RBFOX1: variants seen among roughly 807,000 people sequenced by gnomAD.
The protein encoded by RBFOX1 is RNA binding fox-1 homolog 1, also known as RNA binding protein fox-1 homolog 1.
Under a neutral mutation model 57.7 loss-of-function variants are expected in RBFOX1, and 8 were observed. The observed-to-expected ratio is 0.14, with a 90% CI of 0.08 to 0.25. The LOEUF is 0.25. Ranked by LOEUF, RBFOX1 falls within the 10% of genes least tolerant of loss-of-function variation. RBFOX1 has a pLI of 1.00. For synonymous variants in RBFOX1, 326 were observed against 222.4 expected (o/e 1.47, Z -4.15); for missense variants, 611 against 548.5 (o/e 1.11, Z -1.14).
intron 1 of RBFOX1, among the ~76,000 whole-genome samples, chr16:5,390,279 AG>A (rs2066368890): frequency 1.3e-5 from 2 of 148,520 alleles, no homozygotes; most frequent in Non-Finnish European, 3.0e-5. Context: ...ATCGAAAAGT[AG>A]TTTTTTTTTT....
chr16:6,289,603 C>G (rs1340838932), intron 1 of RBFOX1, among the ~76,000 whole-genome samples: 1 of 152,116 alleles, frequency 6.6e-6, no homozygotes, highest in Admixed American at 6.6e-5. Context: ...CGTCCTCTAG[C>G]TGTCCAATAT....
chr16:6,276,783 C>G (rs1309966403), intron 1 of RBFOX1, among the ~76,000 whole-genome samples: 1 of 151,396 alleles, frequency 6.6e-6, no homozygotes, highest in Non-Finnish European at 1.5e-5. Flanking sequence ...TGTTTCCCCA[C>G]GTGTATTACA....
chr16:7,324,222 A>G (rs968043511), intron 4 of RBFOX1, among the ~76,000 whole-genome samples: 2 of 152,162 alleles, frequency 1.3e-5, no homozygotes, highest in African/African-American at 4.8e-5. Flanking sequence ...CCAGTCCAGC[A>G]CACTTAGCTT....
intron 3 of RBFOX1, among the ~76,000 whole-genome samples, chr16:6,920,197 G>C (rs990204203): frequency 6.6e-6 from 1 of 152,072 alleles, no homozygotes; most frequent in South Asian, 2.1e-4. Flanking sequence ...CATTGAGTTT[G>C]GTTCCTTATT....
chr16:6,100,664 C>G (rs1473315025), intron 1 of RBFOX1, among the ~76,000 whole-genome samples: 1 of 152,292 alleles, frequency 6.6e-6, no homozygotes, highest in East Asian at 1.9e-4. Flanking sequence ...ATACATTGAT[C>G]TATCTAACAT....
chr16:7,281,132 A>G (rs1003603589), intron 4 of RBFOX1, among the ~76,000 whole-genome samples: 1 of 151,588 alleles, frequency 6.6e-6, no homozygotes, highest in Non-Finnish European at 1.5e-5. Flanking sequence ...CCTCCTGAAT[A>G]GCTGGGATTA....
chr16:5,847,264 G>C (rs571891426), intron 3 of RBFOX1, among the ~76,000 whole-genome samples: 1 of 151,746 alleles, frequency 6.6e-6, no homozygotes, highest in African/African-American at 2.4e-5. Flanking sequence ...AGGACACATA[G>C]TTGGGAACAT....
At chr16:5,862,064 C>T (rs1024773907) in intron 3 of RBFOX1, among the ~76,000 whole-genome samples, 1 of 152,202 alleles carries the variant, frequency 6.6e-6, no homozygotes, top group Non-Finnish European at 1.5e-5. Flanking sequence ...AGCTCAAAAA[C>T]CTCCACATGT....
intron 3 of RBFOX1, among the ~76,000 whole-genome samples, chr16:6,994,411 C>T (rs2091960107): frequency 6.6e-6 from 1 of 152,174 alleles, no homozygotes; most frequent in African/African-American, 2.4e-5. Flanking sequence ...ATGGGCAATG[C>T]TTCAGGCACC....
At chr16:5,881,374 A>G (rs1205568504) in intron 4 of RBFOX1, among the ~76,000 whole-genome samples, 1 of 152,160 alleles carries the variant, frequency 6.6e-6, no homozygotes, top group Non-Finnish European at 1.5e-5. Context: ...AATACAGCAC[A>G]TGTGGCATTT....
chr16:6,279,550 C>T (rs193230970), intron 1 of RBFOX1, among the ~76,000 whole-genome samples: 22 of 152,098 alleles, frequency 1.4e-4, no homozygotes, highest in Non-Finnish European at 1.9e-4. Context: ...CCCTCTGATA[C>T]GCTTGTGTAA....
intron 4 of RBFOX1, among the ~76,000 whole-genome samples, chr16:7,324,828 A>G (rs2096590892): frequency 6.6e-6 from 1 of 151,972 alleles, no homozygotes; most frequent in East Asian, 1.9e-4. Flanking sequence ...AGGGTCCTGG[A>G]TTCTTTAAGT....
rs138794387 is a variant in RBFOX1 at position 6,517,061 on chromosome 16, A to G, written c.-63-137542A>G. Among the ~76,000 whole-genome samples, 430 of 152,254 alleles carry G rather than the reference A, an allele frequency of 2.8e-3. 1 individual carries two copies. Among genetic ancestry groups the G allele is most frequent in the South Asian group, 0.019 (90 of 4,814 alleles). On this transcript the variant is annotated intron_variant, in intron 2 of 15. Coordinates refer to ENST00000550418, the MANE Select transcript of RBFOX1 (RefSeq NM_018723.4). ...TGTTCCTTTTAGCCTCTCATTCCAA[A>G]TATAGAGGTGGAAGGCATGTCCAAG...
intron 1 of RBFOX1, among the ~76,000 whole-genome samples, chr16:5,316,492 A>G (rs1308057988): frequency 7.3e-5 from 11 of 151,646 alleles, no homozygotes. Flanking sequence ...CTATGAGAAC[A>G]CCCCCTCCAC....
chr16:6,363,378 A>C (rs1476730926), intron 2 of RBFOX1, among the ~76,000 whole-genome samples: 2 of 152,198 alleles, frequency 1.3e-5, no homozygotes, highest in Non-Finnish European at 2.9e-5. Context: ...CCATACCCTA[A>C]ATCTTTGCTT....
intron 3 of RBFOX1, among the ~76,000 whole-genome samples, chr16:6,867,558 A>G (rs2060156001): frequency 6.6e-6 from 1 of 152,038 alleles, no homozygotes; most frequent in Admixed American, 6.6e-5. Context: ...ATCTCTACTA[A>G]AAATACAAAA....
chr16:7,345,192 A>G (rs969665372), intron 4 of RBFOX1, among the ~76,000 whole-genome samples: 1 of 152,154 alleles, frequency 6.6e-6, no homozygotes, highest in African/African-American at 2.4e-5. Context: ...TCTGTCAAAC[A>G]TGTCAGTTAC....
At chr16:7,207,976 C>G (rs146717797) in intron 4 of RBFOX1, among the ~76,000 whole-genome samples, 142 of 152,272 alleles carry the variant, frequency 9.3e-4, no homozygotes, top group African/African-American at 3.2e-3. Flanking sequence ...TATTGTGAGC[C>G]TCCTGTAAGT....
rs542164485 is a variant in RBFOX1, at chr16:6,417,742, G to A, written c.-64+100685G>A. On this transcript the variant is annotated intron_variant, in intron 2 of 15. Transcript: ENST00000550418. ...AAAAATTAAGTTCAAGGGTATAAGT[G>A]CAGGTTTGTTGCATAAGTAAGCTTG... Among the ~76,000 whole-genome samples, 5 of 147,548 alleles carry A rather than the reference G, an allele frequency of 3.4e-5. No homozygotes were observed. In the Admixed American group the frequency reaches 3.4e-4, roughly 10 times the overall value.
Sources: allele counts gnomAD v4.1 joint callset (sites outside exome capture counted in the v4.1 genomes callset), GRCh38; gene constraint gnomAD v4.1.1; transcripts MANE v1.5; gene names NCBI Gene and HGNC (gene_info 2026-07-23, HGNC 2026-07-21).